PTPRD: variants seen among roughly 807,000 people sequenced by gnomAD.
The protein encoded by PTPRD is protein tyrosine phosphatase receptor type D, also known as receptor-type tyrosine-protein phosphatase delta.
A neutral mutation model predicts 214.5 loss-of-function variants in PTPRD; 34 were observed. The observed-to-expected ratio is 0.16, with a 90% CI of 0.12 to 0.21. The LOEUF is 0.21. Among genes scored for constraint, PTPRD ranks in the 10% least tolerant of loss-of-function variants. The pLI is 1.00. For synonymous variants in PTPRD, 1,128 were observed against 845.7 expected (o/e 1.33, Z -5.79); for missense variants, 2,545 against 2,398.7 (o/e 1.06, Z -1.27).
intron 8 of PTPRD, among the ~76,000 whole-genome samples, chr9:9,531,958 T>C (rs2075574171): frequency 6.6e-6 from 1 of 151,584 alleles, no homozygotes; most frequent in Non-Finnish European, 1.5e-5. Flanking sequence ...ACATATATTA[T>C]ATATATATTT....
intron 8 of PTPRD, among the ~76,000 whole-genome samples, chr9:9,465,011 T>A (rs955797116): frequency 6.6e-6 from 1 of 152,196 alleles, no homozygotes; most frequent in Non-Finnish European, 1.5e-5. Flanking sequence ...GTGAGACAAT[T>A]GAATTCTGGT....
chr9:10,586,911 T>G (rs73398207), intron 2 of PTPRD, among the ~76,000 whole-genome samples: 13,460 of 152,118 alleles, frequency 0.088, 733 homozygotes, highest in African/African-American at 0.14. Context: ...CAACACACTT[T>G]TGCTTATCAT....
chr9:9,599,518 A>C (rs905297603), intron 7 of PTPRD, among the ~76,000 whole-genome samples: 1 of 152,120 alleles, frequency 6.6e-6, no homozygotes, highest in South Asian at 2.1e-4. Flanking sequence ...AGCTTCTGGA[A>C]CTTTTTACCT....
At chr9:9,558,711 G>A (rs1013214543) in intron 8 of PTPRD, among the ~76,000 whole-genome samples, 1 of 152,164 alleles carries the variant, frequency 6.6e-6, no homozygotes, top group Non-Finnish European at 1.5e-5. Context: ...TAGCTACTCC[G>A]TTTACACCTG....
chr9:8,489,721 A>C (rs185213814), intron 27 of PTPRD, among the ~76,000 whole-genome samples: 56 of 152,336 alleles, frequency 3.7e-4, no homozygotes, highest in African/African-American at 1.2e-3. Context: ...GGATAGGATA[A>C]AAAAGGGAAA....
intron 12 of PTPRD, among the ~76,000 whole-genome samples, chr9:8,681,264 A>C (rs12338388): frequency 0.035 from 5,386 of 152,266 alleles, 198 homozygotes; most frequent in African/African-American, 0.085. Flanking sequence ...CGTATAACCA[A>C]AGCAAACACA....
intron 3 of PTPRD, among the ~76,000 whole-genome samples, chr9:10,339,142 C>A (rs1322184966): frequency 6.6e-6 from 1 of 151,520 alleles, no homozygotes. Context: ...GAGGAGAGTC[C>A]TGAAGATTAA....
chr9:9,808,600 C>T (rs2046167622), intron 5 of PTPRD, among the ~76,000 whole-genome samples: 1 of 152,044 alleles, frequency 6.6e-6, no homozygotes, highest in African/African-American at 2.4e-5. Flanking sequence ...AGTTTTGCCC[C>T]TCATTTTCCT....
rs188592840 is a variant in PTPRD at position 10,136,373 on chromosome 9, C to T, written c.-544-102583G>A. 7.2e-5 allele frequency among the ~76,000 whole-genome samples: 11 copies of T among 152,104 alleles called. No individual in the cohort carries two copies. In the East Asian group the frequency reaches 1.2e-3, roughly 16 times the overall value. On this transcript the variant is annotated intron_variant, in intron 3 of 45. Transcript: ENST00000381196. ...TTTTGGACTTAAACTCGACACTTGA[C>T]GAATTGTTCCTAATAGATATTTACA...
At chr9:9,958,086 G>C (rs1303879125) in intron 4 of PTPRD, among the ~76,000 whole-genome samples, 2 of 152,098 alleles carry the variant, frequency 1.3e-5, no homozygotes, top group Non-Finnish European at 2.9e-5. Flanking sequence ...ACTTAAAATA[G>C]ATCAAACACC....
chr9:8,849,241 T>A (rs1343722184), intron 11 of PTPRD, among the ~76,000 whole-genome samples: 1 of 142,530 alleles, frequency 7.0e-6, no homozygotes, highest in Non-Finnish European at 1.5e-5. Flanking sequence ...ATTGGTGTAA[T>A]CTCAGTTCAC....
chr9:9,876,110 A>G (rs2066787320), intron 5 of PTPRD, among the ~76,000 whole-genome samples: 1 of 152,096 alleles, frequency 6.6e-6, no homozygotes, highest in South Asian at 2.1e-4. Flanking sequence ...CCAGTAAGAG[A>G]TTGTGTTTTG....
rs1459967819 is a variant in PTPRD, at chr9:8,833,747, C to CACAA, written c.-103-99802_-103-99801insTTGT. Among the ~76,000 whole-genome samples the CACAA allele has an allele frequency of 7.4e-5, 11 of 147,812 alleles. No homozygotes were observed. In the East Asian group the frequency reaches 2.2e-3, roughly 29 times the overall value. On this transcript the variant is annotated intron_variant, in intron 11 of 45. Transcript: ENST00000381196. The stretch of plus-strand genomic sequence containing the variant: ...ACACACACACACACACACACACACA[C>CACAA]GATTCTATATATATTATATATATGT...
intron 10 of PTPRD, among the ~76,000 whole-genome samples, chr9:9,129,702 T>C (rs773098685): frequency 1.6e-4 from 24 of 152,212 alleles, no homozygotes; most frequent in Non-Finnish European, 2.8e-4. Context: ...TTTGAGTTAG[T>C]CACTAGCCAG....
intron 9 of PTPRD, among the ~76,000 whole-genome samples, chr9:9,370,519 G>A (rs1437542518): frequency 6.6e-6 from 1 of 151,380 alleles, no homozygotes; most frequent in East Asian, 1.9e-4. Context: ...GAGCTGAGAT[G>A]ATGGGGTTTT....
At chr9:9,764,188 G>C (rs2098687653) in intron 6 of PTPRD, among the ~76,000 whole-genome samples, 1 of 152,086 alleles carries the variant, frequency 6.6e-6, no homozygotes, top group African/African-American at 2.4e-5. Flanking sequence ...ATTTATTAAT[G>C]AGAGTTGAAA....
intron 14 of PTPRD, among the ~76,000 whole-genome samples, chr9:8,589,609 T>C (rs1185128044): frequency 6.6e-6 from 1 of 152,164 alleles, no homozygotes; most frequent in African/African-American, 2.4e-5. Flanking sequence ...AACTAGAACA[T>C]GGAGTTCAGA....
chr9:10,307,137 C>T (rs1369145604), intron 3 of PTPRD, among the ~76,000 whole-genome samples: 6 of 151,954 alleles, frequency 3.9e-5, no homozygotes, highest in African/African-American at 1.5e-4. Flanking sequence ...ACTATAGTTA[C>T]CCTACTTTAT....
At chr9:9,383,359 T>C (rs10977694) in intron 9 of PTPRD, among the ~76,000 whole-genome samples, 36,010 of 151,920 alleles carry the variant, frequency 0.24, 4,320 homozygotes, top group Middle Eastern at 0.37. Flanking sequence ...AGTAAACAGA[T>C]GGCAGAAAGC....
Sources: allele counts gnomAD v4.1 joint callset (sites outside exome capture counted in the v4.1 genomes callset), GRCh38; gene constraint gnomAD v4.1.1; transcripts MANE v1.5; gene names NCBI Gene and HGNC (gene_info 2026-07-23, HGNC 2026-07-21).